The following MACROD1 variants were observed in gnomAD, a reference collection of about 807,000 sequenced individuals.
The protein encoded by MACROD1 is ADP-ribose glycohydrolase MACROD1.
In MACROD1, 31 loss-of-function variants were observed where a neutral mutation model predicts 41.4. The ratio of observed to expected loss-of-function variants is 0.75; its 90% CI spans 0.56 to 1.01. The LOEUF is 1.01. Ranked by LOEUF, MACROD1 falls within the 50% of genes least tolerant of loss-of-function variation. The probability of loss-of-function intolerance (pLI) is 0.00; values close to 1 mark genes in which losing one functional copy is unlikely to be tolerated. For synonymous variants in MACROD1, 252 were observed against 203.4 expected, an observed-to-expected ratio of 1.24 and a Z score of -2.03; for missense variants, 473 against 460.0, an observed-to-expected ratio of 1.03 and a Z score of -0.26.
chr11:64,044,476 T>C (rs1436650831), intron 3 of MACROD1, among the ~76,000 whole-genome samples: 1 of 152,168 alleles, frequency 6.6e-6, no homozygotes, highest in African/African-American at 2.4e-5. Flanking sequence ...CTTGAACTCC[T>C]GGCCTCAAGC....
chr11:64,009,609 G>T (rs1379161509), intron 4 of MACROD1, among the ~76,000 whole-genome samples: 2 of 151,346 alleles, frequency 1.3e-5, no homozygotes, highest in Admixed American at 6.6e-5. Context: ...ACTTCCCCAG[G>T]ACTCACTGCA....
chr11:64,042,608 G>T (rs923762751), intron 3 of MACROD1, among the ~76,000 whole-genome samples: 3 of 152,100 alleles, frequency 2.0e-5, no homozygotes, highest in Non-Finnish European at 4.4e-5. Flanking sequence ...GCCTGTGGGG[G>T]TCTTGGAAGC....
intron 3 of MACROD1, among the ~76,000 whole-genome samples, chr11:64,097,111 C>G (rs997445085): frequency 6.6e-6 from 1 of 152,222 alleles, no homozygotes. Flanking sequence ...TTTCTAGGTC[C>G]CTGTTGCTCA....
At chr11:64,099,290 T>C (rs1944630491) in intron 3 of MACROD1, among the ~76,000 whole-genome samples, 1 of 152,260 alleles carries the variant, frequency 6.6e-6, no homozygotes, top group Non-Finnish European at 1.5e-5. Context: ...GCGTCTCACA[T>C]TGTAGCCCTC....
intron 3 of MACROD1, among the ~76,000 whole-genome samples, chr11:64,033,094 A>C (rs1943314850): frequency 6.6e-6 from 1 of 152,210 alleles, no homozygotes; most frequent in South Asian, 2.1e-4. Context: ...GAGGAAGCTG[A>C]TGTCAAAATC....
In MACROD1 at chr11:64,122,435, T is replaced by TCCCAAAG. The variant is rs527507179; in HGVS notation, c.517+28797_517+28803dup. ...AGCTAGGAGGGGCCCAACCTGACTC[T>TCCCAAAG]CCCAAAGCCCAAAGCCCACACCTGC... On this transcript the variant is annotated intron_variant, in intron 3 of 10. Coordinates refer to ENST00000255681, the MANE Select transcript of MACROD1 (RefSeq NM_014067.4). The surrounding 1 kb of genome is among the most constrained non-coding windows in gnomAD (Gnocchi z 4.0). Among the ~76,000 whole-genome samples the TCCCAAAG allele has an allele frequency of 1.2e-3, 183 of 151,978 alleles. No homozygotes were observed. The highest frequency in any genetic ancestry group is 4.2e-3 in the African/African-American group (175 of 41,436).
rs201885386 is a variant in MACROD1, at chr11:64,152,053, C to T, written c.400+239G>A. ...CTGAGGCAGGAGAATCGCTTGAACC[C>T]GGGAGGTGGAGGTTGCAGTGAGCCA... On this transcript the variant is annotated intron_variant, in intron 2 of 10. Transcript: ENST00000255681. 1.8e-3 allele frequency among the ~76,000 whole-genome samples: 277 copies of T among 152,256 alleles called. 2 individuals carry two copies. In the South Asian group the frequency reaches 0.026, roughly 14 times the overall value.
chr11:64,019,988 C>T (rs320130), intron 3 of MACROD1, among the ~76,000 whole-genome samples: 2,127 of 152,290 alleles, frequency 0.014, 45 homozygotes, highest in African/African-American at 0.047. Flanking sequence ...GCAGGGCCAG[C>T]CTCCCTGCTG....
chr11:64,062,335 G>A (rs1207067035), intron 3 of MACROD1, among the ~76,000 whole-genome samples: 1 of 152,170 alleles, frequency 6.6e-6, no homozygotes, highest in East Asian at 1.9e-4. Context: ...CCCAGAGGGA[G>A]TCCTGCGTCT....
At chr11:64,017,961 C>T (rs1425968425) in intron 3 of MACROD1, among the ~76,000 whole-genome samples, 1 of 152,204 alleles carries the variant, frequency 6.6e-6, no homozygotes, top group African/African-American at 2.4e-5. Context: ...CCCTGCCCAC[C>T]TGGCGCCCCC....
chr11:64,035,609 G>A (rs1326047451), intron 3 of MACROD1, among the ~76,000 whole-genome samples: 1 of 135,934 alleles, frequency 7.4e-6, no homozygotes, highest in Admixed American at 7.4e-5. Flanking sequence ...GGGCGGGGGA[G>A]GGGGGCGCGG....
intron 3 of MACROD1, among the ~76,000 whole-genome samples, chr11:64,032,529 C>A (rs1943307975): frequency 6.6e-6 from 1 of 152,124 alleles, no homozygotes; most frequent in Admixed American, 6.5e-5. Flanking sequence ...TAAGGCCCAC[C>A]CCACCAGGCT....
At chr11:64,128,013 C>G (rs1349024485) in intron 3 of MACROD1, among the ~76,000 whole-genome samples, 1 of 152,212 alleles carries the variant, frequency 6.6e-6, no homozygotes, top group East Asian at 1.9e-4. Flanking sequence ...ATACAGTTAA[C>G]GGGTTTTTCC....
chr11:64,141,975 C>T (rs574681110), intron 3 of MACROD1, among the ~76,000 whole-genome samples: 8 of 152,198 alleles, frequency 5.3e-5, no homozygotes, highest in Admixed American at 1.3e-4. Flanking sequence ...CTCTACAGGA[C>T]GCCAAATGCC....
chr11:64,077,960 A>G (rs1944234078), intron 3 of MACROD1, among the ~76,000 whole-genome samples: 1 of 152,178 alleles, frequency 6.6e-6, no homozygotes, highest in Non-Finnish European at 1.5e-5. Context: ...GCCCGTGCTC[A>G]GCCTGGCCTC....
rs55995667 is a variant in MACROD1 at position 64,143,753 on chromosome 11, T to TACACACACACACACACAC, written c.517+7468_517+7485dup. ...CCTTCCCCCAACCCCGACACACACA[T>TACACACACACACACACAC]ACACACACACACACACACACACACA... On this transcript the variant is annotated intron_variant, in intron 3 of 10. Transcript: ENST00000255681. Among the ~76,000 whole-genome samples the TACACACACACACACACAC allele has an allele frequency of 3.6e-3, 364 of 101,644 alleles. 22 individuals are homozygous for TACACACACACACACACAC. The highest frequency in any genetic ancestry group is 0.011 in the Admixed American group (101 of 9,516). The allele number at this position is 101,644 out of a possible 152,430, so 66.7% of individuals were successfully genotyped here. A position where few individuals can be genotyped will look rare whatever the true frequency, so the allele number is the denominator to read the frequency against.
In MACROD1 at chr11:64,090,127, T is replaced by G. The variant is rs1379966409; in HGVS notation, c.517+61112A>C. On this transcript the variant is annotated intron_variant, in intron 3 of 10. Coordinates refer to ENST00000255681, the MANE Select transcript of MACROD1 (RefSeq NM_014067.4). The surrounding 1 kb of genome is among the most constrained non-coding windows in gnomAD (Gnocchi z 4.7). Reference sequence around the variant, plus strand: ...GGGGGAGGGGAAGATATGCACCCTCTCCCCACGGGGCTAGGGACTCATCTC... The same window carrying G: ...GGGGGAGGGGAAGATATGCACCCTCGCCCCACGGGGCTAGGGACTCATCTC... Among the ~76,000 whole-genome samples the G allele has an allele frequency of 3.9e-5, 6 of 152,150 alleles. No individual in the cohort carries two copies. In the South Asian group the frequency reaches 1.0e-3, roughly 26 times the overall value.
chr11:64,018,426 C>T (rs766723142), intron 3 of MACROD1, among the ~76,000 whole-genome samples: 29 of 152,178 alleles, frequency 1.9e-4, no homozygotes, highest in Admixed American at 1.7e-3. Context: ...CCTCCAAGGC[C>T]GGAGAGCTGG....
chr11:64,095,466 C>T (rs1255792877), intron 3 of MACROD1, among the ~76,000 whole-genome samples: 1 of 152,102 alleles, frequency 6.6e-6, no homozygotes, highest in East Asian at 1.9e-4. Context: ...GCAAAAAATC[C>T]CTTGGCACAG....
Sources: allele counts gnomAD v4.1 joint callset (sites outside exome capture counted in the v4.1 genomes callset), GRCh38; gene constraint gnomAD v4.1.1; non-coding constraint Gnocchi (gnomAD v3.1); transcripts MANE v1.5; gene names NCBI Gene and HGNC (gene_info 2026-07-23, HGNC 2026-07-21).